Variants in PSG5 observed in about 807,000 individuals in gnomAD.
PSG5 encodes pregnancy-specific beta-1-glycoprotein 5.
Under a neutral mutation model 37.7 loss-of-function variants are expected in PSG5, and 53 were observed. That is an observed-to-expected ratio of 1.41 (90% CI 1.13 to 1.77). The LOEUF (loss-of-function observed/expected upper bound fraction) is 1.77. Ranked by LOEUF, PSG5 falls within the 40% of genes most tolerant of loss-of-function variation. PSG5 has a pLI of 0.00. For synonymous variants in PSG5, 221 were observed against 155.4 expected, an observed-to-expected ratio of 1.42 and a Z score of -3.14; for missense variants, 547 against 405.2, an observed-to-expected ratio of 1.35 and a Z score of -3.00.
Position 43,173,255 on chromosome 19 carries a change from C to T in PSG5, c.964+1960G>A, listed in dbSNP as rs1968940495. On this transcript the variant is annotated intron_variant, in intron 4 of 5. Transcript: ENST00000342951. The stretch of plus-strand genomic sequence containing the variant: ...AAAGATCTAAATGTAAGAGTAAAAA[C>T]TACAGAACTCTTAGAAGAAAAGCTT... Among the ~76,000 whole-genome samples, 2 of 151,540 alleles carry T rather than the reference C, an allele frequency of 1.3e-5. 1 individual carries two copies. The highest frequency in any genetic ancestry group is 4.9e-5 in the African/African-American group (2 of 41,132).
At position 43,168,134 on chromosome 19, in the gene PSG5, T is replaced by A; in HGVS notation, c.*110A>T. ...CTTGTCAGAGTCTTTTCCATAAATC[T>A]CCTTGAAGAAAAAGCAATTTTGGAC... On this transcript the variant is annotated 3_prime_UTR_variant, in exon 6 of 6. Coordinates refer to ENST00000342951, the MANE Select transcript of PSG5 (RefSeq NM_002781.4). 2.3e-6 allele frequency: 1 copy of A among 443,252 alleles called. No individual in the cohort carries two copies. The highest frequency in any genetic ancestry group is 4.0e-6 in the Non-Finnish European group (1 of 247,162). The allele number at this position is 443,252 out of a possible 1,614,324, so 27.5% of individuals were successfully genotyped here.
intron 5 of PSG5, 54 bp from the exon 6 acceptor site, chr19:43,168,257 A>G: frequency 2.6e-6 from 1 of 383,346 alleles, no homozygotes; most frequent in Non-Finnish European, 4.8e-6. Flanking sequence ...ATGAGAATTT[A>G]TTATGGTAAA....
chr19:43,179,183 G>A, intron 2 of PSG5: 3 of 1,571,804 alleles, frequency 1.9e-6, no homozygotes, highest in Middle Eastern at 1.8e-4. Context: ...AGAGAAGATT[G>A]CCCTGTGTGG....
intron 2 of PSG5, among the ~76,000 whole-genome samples, chr19:43,182,177 C>G (rs1191573791): frequency 6.6e-6 from 1 of 151,624 alleles, no homozygotes; most frequent in Non-Finnish European, 1.5e-5. Flanking sequence ...AAACTAACAA[C>G]CTTACTTTGC....
chr19:43,179,138 G>T, intron 2 of PSG5: 1 of 1,595,158 alleles, frequency 6.3e-7, no homozygotes, highest in South Asian at 1.1e-5. Context: ...TACTGGAGAT[G>T]GAGGGCTTGG....
chr19:43,186,210 T>C, intron 1 of PSG5, 132 bp downstream of exon 1: 2 of 1,478,434 alleles, frequency 1.4e-6, no homozygotes, highest in Non-Finnish European at 1.8e-6. Flanking sequence ...ACTCCTGATC[T>C]CATAATCCAC....
intron 4 of PSG5, chr19:43,170,426 G>A (rs1037208311): frequency 2.2e-6 from 1 of 457,816 alleles, no homozygotes; most frequent in African/African-American, 2.1e-5. Context: ...TATGTCATTA[G>A]AACTTACCAC....
intron 4 of PSG5, among the ~76,000 whole-genome samples, chr19:43,172,732 A>T (rs1039325320): frequency 2.0e-5 from 3 of 151,722 alleles, no homozygotes; most frequent in Non-Finnish European, 2.9e-5. Flanking sequence ...AAATGAAAGA[A>T]GACATCAATA....
Position 43,175,899 on chromosome 19 carries a change from C to T in PSG5, c.680G>A (p.Arg227His), listed in dbSNP as rs1058285. The change falls in exon 3 of 6, where the codon CGC becomes CAC. Residue 227 changes from arginine (R) to histidine (H), a missense_variant. Arg to His is a conservative substitution (Grantham distance 29, BLOSUM62 0). Coordinates refer to ENST00000342951, the MANE Select transcript of PSG5 (RefSeq NM_002781.4). ...GACATTCAGGGTGACTGGGTCACTGCGCATGCCACCATCTCGGTCCCGTAT... is the reference window on the plus strand; with the variant it reads ...GACATTCAGGGTGACTGGGTCACTGTGCATGCCACCATCTCGGTCCCGTAT... The part of the protein sequence containing the change: ...CEIRDRDGGM[R>H]SDPVTLNVLY... 1,018,611 of 1,611,660 alleles carry T rather than the reference C, an allele frequency of 0.63. 332,145 individuals are homozygous for T. Among genetic ancestry groups the T allele is most frequent in the East Asian group, 0.99 (44,404 of 44,858 alleles).
intron 5 of PSG5, among the ~76,000 whole-genome samples, chr19:43,168,671 G>A (rs145106686): frequency 6.6e-6 from 1 of 151,666 alleles, no homozygotes; most frequent in African/African-American, 2.4e-5. Flanking sequence ...CGCGCCCAGC[G>A]TAGAATACTC....
rs528945272 is a variant in PSG5 at position 43,175,550 on chromosome 19, C to A, written c.710-81G>T. On this transcript the variant is annotated intron_variant, in intron 3 of 5. Transcript: ENST00000342951. ...CTGGTCTCTTAAAGGGACACAGTGA[C>A]CCTCTGAGCCAAGACACACCCTCAA... 2.8e-5 allele frequency: 42 copies of A among 1,522,622 alleles called. No individual in the cohort carries two copies. In the Middle Eastern group the frequency reaches 5.9e-4, roughly 21 times the overall value. The allele number at this position is 1,522,622 out of a possible 1,614,324, so 94.3% of individuals were successfully genotyped here.
chr19:43,174,149 ATAGT>A (rs1337879763), intron 4 of PSG5: 1 of 151,696 alleles, frequency 6.6e-6, no homozygotes, highest in Non-Finnish European at 1.5e-5. Flanking sequence ...TTTATAAAAG[ATAGT>A]TAGAATAGCC....
In PSG5 at chr19:43,176,878, G is replaced by C. The variant is rs546277157; in HGVS notation, c.431-730C>G. Among the ~76,000 whole-genome samples the C allele has an allele frequency of 2.4e-4, 37 of 151,062 alleles. 1 individual carries two copies. The highest frequency in any genetic ancestry group is 3.7e-4 in the Non-Finnish European group (25 of 67,774). ...GCTTTGGAGCAGAACCATGTTCCCT[G>C]TCCTGGGTTCTTTAAGTTTCCTCTC... On this transcript the variant is annotated intron_variant, in intron 2 of 5. Transcript: ENST00000342951.
At chr19:43,180,056 A>C (rs1448965122) in intron 2 of PSG5, among the ~76,000 whole-genome samples, 1 of 151,682 alleles carries the variant, frequency 6.6e-6, no homozygotes, top group Admixed American at 6.6e-5. Flanking sequence ...TGGATATTAG[A>C]CCAATATTTG....
At chr19:43,173,740 A>G (rs1346623102) in intron 4 of PSG5, among the ~76,000 whole-genome samples, 4 of 151,722 alleles carry the variant, frequency 2.6e-5, no homozygotes, top group Non-Finnish European at 4.4e-5. Flanking sequence ...GTAGATGGAA[A>G]AATTGGAGCT....
In PSG5 at chr19:43,180,869, C is replaced by A. The variant is rs201421711; in HGVS notation, c.430+3913G>T. Among the ~76,000 whole-genome samples the A allele has an allele frequency of 2.4e-3, 369 of 151,332 alleles. 13 individuals are homozygous for A. The East Asian group carries it at 0.068, about 28-fold the overall frequency. ...CAATTACATAAAGGGAGGAAGGATG[C>A]CAAATTAAAAGAAGTGATGTGTGTT... is the stretch of plus-strand genomic sequence containing the variant. On this transcript the variant is annotated intron_variant, in intron 2 of 5. Coordinates refer to ENST00000342951, the MANE Select transcript of PSG5 (RefSeq NM_002781.4).
Position 43,185,116 on chromosome 19 carries a change from G to C in PSG5, c.96C>G (p.Ile32Met), listed in dbSNP as rs776871040. 1 of 1,609,836 alleles carries C rather than the reference G, an allele frequency of 6.2e-7. No individual in the cohort carries two copies. Among genetic ancestry groups the C allele is most frequent in the Non-Finnish European group, 8.5e-7 (1 of 1,177,480 alleles). The change falls in exon 2 of 6, where the codon ATC (isoleucine) becomes ATG (methionine). Residue 32 changes from isoleucine to methionine, a missense_variant. Coordinates refer to ENST00000342951, the MANE Select transcript of PSG5 (RefSeq NM_002781.4). Reference protein sequence around the residue: ...ASLLNFWNLPITAQVTIEALP... With the variant: ...ASLLNFWNLPMTAQVTIEALP... Reference sequence around the variant, plus strand: ...GGGCTTCAATCGTGACTTGAGCAGTGATAGGCAGGTTCCAGAAGTTTAAAA... The same window carrying C: ...GGGCTTCAATCGTGACTTGAGCAGTCATAGGCAGGTTCCAGAAGTTTAAAA...
chr19:43,175,589 C>G (rs1968991525), intron 3 of PSG5, 120 bp from the exon 4 acceptor site: 7 of 1,464,782 alleles, frequency 4.8e-6, no homozygotes, highest in Middle Eastern at 2.3e-4. Context: ...CCAGCCGAAC[C>G]CCCACTATAT....
Position 43,175,377 on chromosome 19 carries a change from G to C in PSG5, c.802C>G (p.Pro268Ala). 1.2e-6 allele frequency: 2 copies of C among 1,612,898 alleles called. No individual in the cohort carries two copies. The highest frequency in any genetic ancestry group is 2.2e-5 in the South Asian group (2 of 91,058). The change falls in exon 4 of 6, where the codon CCG (proline) becomes GCG (alanine). Residue 268 changes from proline to alanine, a missense_variant. Pro to Ala is a conservative substitution (Grantham distance 27, BLOSUM62 -1). Transcript: ENST00000342951. ...YLSCFAESNPPAEYFWTINGK... is the reference protein window; with the variant it reads ...YLSCFAESNPAAEYFWTINGK... ...TTAATTGTCCAAAAATACTCTGCCG[G>C]TGGGTTAGATTCCGCGAAGCAGGAC...
Sources: allele counts gnomAD v4.1 joint callset (sites outside exome capture counted in the v4.1 genomes callset), GRCh38; gene constraint gnomAD v4.1.1; transcripts MANE v1.5; gene names NCBI Gene and HGNC (gene_info 2026-07-23, HGNC 2026-07-21).